The following RTN1 variants were observed in gnomAD, a reference collection of about 807,000 sequenced individuals.
RTN1 encodes reticulon-1.
A neutral mutation model predicts 65.5 loss-of-function variants in RTN1; 25 were observed. That is an observed-to-expected ratio of 0.38 (90% CI 0.28 to 0.53). The LOEUF is 0.53. RTN1 is among the 20% of genes least tolerant of loss of function. The pLI is 0.79. For synonymous variants in RTN1, 471 were observed against 447.6 expected, an observed-to-expected ratio of 1.05 and a Z score of -0.66; for missense variants, 983 against 1,025.4, an observed-to-expected ratio of 0.96 and a Z score of 0.57.
chr14:59,630,860 G>A (rs1317653450), intron 3 of RTN1: 2 of 995,724 alleles, frequency 2.0e-6, no homozygotes, highest in African/African-American at 3.5e-5. Flanking sequence ...GGTTTGGGAG[G>A]AGGGGAAAAA....
chr14:59,746,604 GTTCC>G, intron 1 of RTN1, 123 bp from the exon 2 acceptor site: 1 of 776,536 alleles, frequency 1.3e-6, no homozygotes, highest in Non-Finnish European at 2.0e-6. Context: ...AGCCCTCGGA[GTTCC>G]CTCGGAGCTC....
Position 59,624,017 on chromosome 14 carries a change from A to C in RTN1, c.1766-16525T>G, listed in dbSNP as rs541542062. ...TCTTTGTAAAATGTGTAGAACTGCA[A>C]TACTTTCTAAAAATTAAAACTTACA... On this transcript the variant is annotated intron_variant, in intron 3 of 8. Coordinates refer to ENST00000267484, the MANE Select transcript of RTN1 (RefSeq NM_021136.3). Among the ~76,000 whole-genome samples the C allele has an allele frequency of 2.0e-5, 3 of 152,330 alleles. No homozygotes were observed. The South Asian group carries it at 6.2e-4, about 32-fold the overall frequency.
At chr14:59,844,186 T>C (rs1056500436) in intron 1 of RTN1, among the ~76,000 whole-genome samples, 1 of 152,208 alleles carries the variant, frequency 6.6e-6, no homozygotes, top group Admixed American at 6.5e-5. Context: ...AAATGTGCTA[T>C]GGTTTGAATG....
At chr14:59,791,841 G>A (rs1482105302) in intron 1 of RTN1, among the ~76,000 whole-genome samples, 3 of 152,100 alleles carry the variant, frequency 2.0e-5, no homozygotes, top group African/African-American at 7.2e-5. Flanking sequence ...GTTTTATAAA[G>A]GTTAGCCTGG....
At chr14:59,642,664 T>A (rs752149185) in intron 3 of RTN1, among the ~76,000 whole-genome samples, 4 of 152,210 alleles carry the variant, frequency 2.6e-5, no homozygotes, top group Admixed American at 6.5e-5. Context: ...TTTACTTTTT[T>A]AAATAGTTTC....
chr14:59,859,045 C>T (rs996930224), intron 1 of RTN1, among the ~76,000 whole-genome samples: 1 of 152,116 alleles, frequency 6.6e-6, no homozygotes, highest in Non-Finnish European at 1.5e-5. Flanking sequence ...TTTTAAAAGG[C>T]CACAAGTCTG....
At chr14:59,749,993 A>ATATATAT (rs1555358794) in intron 1 of RTN1, among the ~76,000 whole-genome samples, 3 of 69,624 alleles carry the variant, frequency 4.3e-5, no homozygotes, top group African/African-American at 2.3e-4. Flanking sequence ...TATTATATAC[A>ATATATAT]TATATATTAT....
In RTN1 at chr14:59,853,628, C is replaced by T. The variant is rs535210428; in HGVS notation, c.241+16762G>A. Among the ~76,000 whole-genome samples, 38 of 152,238 alleles carry T rather than the reference C, an allele frequency of 2.5e-4. 1 individual carries two copies. The South Asian group carries it at 7.2e-3, about 29-fold the overall frequency. On this transcript the variant is annotated intron_variant, in intron 1 of 8. Coordinates refer to ENST00000267484, the MANE Select transcript of RTN1 (RefSeq NM_021136.3). ...CATCTTAAGGGTTGAAACAAGTATT[C>T]CCAGCTCTCTCCTACTTGTTTTGGG...
At chr14:59,642,202 C>T (rs765497478) in intron 3 of RTN1, among the ~76,000 whole-genome samples, 20 of 152,172 alleles carry the variant, frequency 1.3e-4, no homozygotes, top group Admixed American at 2.0e-4. Context: ...GTTGAAAGGT[C>T]AGTAATTAGT....
At chr14:59,837,747 C>T (rs1887238128) in intron 1 of RTN1, among the ~76,000 whole-genome samples, 1 of 144,862 alleles carries the variant, frequency 6.9e-6, no homozygotes, top group Non-Finnish European at 1.6e-5. Context: ...TAATAATATC[C>T]ATTTTTTTTA....
chr14:59,812,188 A>G (rs963033703), intron 1 of RTN1, among the ~76,000 whole-genome samples: 4 of 152,186 alleles, frequency 2.6e-5, no homozygotes, highest in African/African-American at 9.6e-5. Flanking sequence ...ATCAAATAAC[A>G]TATGCATTCC....
At chr14:59,793,328 A>G (rs763694008) in intron 1 of RTN1, among the ~76,000 whole-genome samples, 3 of 152,200 alleles carry the variant, frequency 2.0e-5, no homozygotes, top group South Asian at 2.1e-4. Context: ...AGGCACAGGC[A>G]GGTGACTCAG....
In RTN1 at chr14:59,669,907, C is replaced by T. The variant is rs537283240; in HGVS notation, c.1765+57012G>A. On this transcript the variant is annotated intron_variant, in intron 3 of 8. Coordinates refer to ENST00000267484, the MANE Select transcript of RTN1 (RefSeq NM_021136.3). ...CCTGGCCCCTTCATCATGCAGACTC[C>T]TTGTTCCAGAGCAACAAAATCTTCT... Among the ~76,000 whole-genome samples the T allele has an allele frequency of 2.6e-4, 39 of 152,342 alleles. 1 individual carries two copies. In the South Asian group the frequency reaches 8.1e-3, roughly 32 times the overall value.
At chr14:59,804,500 T>A (rs1274557467) in intron 1 of RTN1, among the ~76,000 whole-genome samples, 1 of 152,218 alleles carries the variant, frequency 6.6e-6, no homozygotes, top group African/African-American at 2.4e-5. Flanking sequence ...TCGATATTTT[T>A]AAAATATATT....
intron 1 of RTN1, among the ~76,000 whole-genome samples, chr14:59,854,801 C>T (rs1233355466): frequency 6.6e-6 from 1 of 152,166 alleles, no homozygotes; most frequent in East Asian, 1.9e-4. Context: ...GTAAGTCACT[C>T]AATCTCTCTC....
chr14:59,851,630 C>T (rs545641864), intron 1 of RTN1, among the ~76,000 whole-genome samples: 3 of 152,104 alleles, frequency 2.0e-5, no homozygotes, highest in East Asian at 1.9e-4. Flanking sequence ...GAGGCCAAGG[C>T]GGACAGATCA....
In RTN1 at chr14:59,870,587, G is replaced by A; in HGVS notation, c.44C>T (p.Ala15Val). ...CCTGAGCCACTGGGACCCGGGGCCG[G>A]CCAGCGGCAGCAGCTCGTCCTGCGG... is the stretch of plus-strand genomic sequence containing the variant. ...GDPQDELLPL[A>V]GPGSQWLRHR... is the part of the protein sequence containing the mutation. Residue 15 changes from alanine (A) to valine (V), a missense_variant, in exon 1 of 9, where the codon GCC (alanine) becomes GTC (valine). Coordinates refer to ENST00000267484, the MANE Select transcript of RTN1 (RefSeq NM_021136.3). This position sits in a 1 kb window ranked among gnomAD's most constrained non-coding sequence, Gnocchi z 5.1. 1 of 1,446,096 alleles carries A rather than the reference G, an allele frequency of 6.9e-7. No individual in the cohort carries two copies. Among genetic ancestry groups the A allele is most frequent in the Admixed American group, 2.6e-5 (1 of 38,894 alleles). 89.6% of individuals were successfully genotyped at this position (1,446,096 alleles called of 1,614,324 possible). A position where few individuals can be genotyped will look rare whatever the true frequency, so the allele number is the denominator to read the frequency against.
chr14:59,627,015 A>G (rs1882417815), intron 3 of RTN1, among the ~76,000 whole-genome samples: 1 of 152,226 alleles, frequency 6.6e-6, no homozygotes, highest in Non-Finnish European at 1.5e-5. Flanking sequence ...TAAGATAGGC[A>G]GTGAGTGCTG....
chr14:59,605,538 G>C (rs375257603), intron 4 of RTN1, 32 bp from the exon 5 acceptor site: 1 of 1,611,154 alleles, frequency 6.2e-7, no homozygotes, highest in African/African-American at 1.3e-5. Flanking sequence ...AGAAAATTCC[G>C]TCAGAGGGAA....
Sources: allele counts gnomAD v4.1 joint callset (sites outside exome capture counted in the v4.1 genomes callset), GRCh38; gene constraint gnomAD v4.1.1; non-coding constraint Gnocchi (gnomAD v3.1); transcripts MANE v1.5; gene names NCBI Gene and HGNC (gene_info 2026-07-23, HGNC 2026-07-21).